LINGO2: variants seen among roughly 807,000 people sequenced by gnomAD.
LINGO2 encodes the protein leucine rich repeat and Ig domain containing 2.
LINGO2 carries 14 observed loss-of-function variants against 30.6 expected under a neutral mutation model. That is an observed-to-expected ratio of 0.46 (90% CI 0.30 to 0.72). The LOEUF is 0.72. Among genes scored for constraint, LINGO2 ranks in the 30% least tolerant of loss-of-function variants. The pLI is 0.07. For missense variants in LINGO2, 729 were observed against 751.7 expected, an observed-to-expected ratio of 0.97 and a Z score of 0.35; for synonymous variants, 317 against 288.5, an observed-to-expected ratio of 1.10 and a Z score of -1.00.
the LINGO2 span, chr9:27,937,787 G>A: frequency 6.6e-6 from 1 of 151,982 alleles, no homozygotes; most frequent in Non-Finnish European, 1.5e-5. Context: ...CAAGACAATA[G>A]GGCTTAGCTA....
At chr9:28,826,766 A>G in the LINGO2 span, among the ~76,000 whole-genome samples, 1 of 152,220 alleles carries the variant, frequency 6.6e-6, no homozygotes, top group Non-Finnish European at 1.5e-5. Flanking sequence ...TCATTAGGAT[A>G]CAATGGTTGA....
intron 4 of LINGO2, among the ~76,000 whole-genome samples, chr9:28,032,841 A>T (rs2383759): frequency 0.66 from 100,062 of 152,052 alleles, 34,542 homozygotes; most frequent in Non-Finnish European, 0.77. Context: ...CACATCAGGG[A>T]AACACTGTAC....
the LINGO2 span, among the ~76,000 whole-genome samples, chr9:28,754,986 A>G: frequency 1.3e-5 from 2 of 152,034 alleles, no homozygotes; most frequent in Non-Finnish European, 2.9e-5. Flanking sequence ...TTGCTTTGAT[A>G]GAAACAGATT....
At chr9:28,417,965 G>T (rs16912932) in intron 2 of LINGO2, among the ~76,000 whole-genome samples, 1 of 152,052 alleles carries the variant, frequency 6.6e-6, no homozygotes, top group Non-Finnish European at 1.5e-5. Flanking sequence ...TAACTCCTTG[G>T]GTGGTAAGAA....
chr9:28,299,104 T>C (rs1824038710), intron 3 of LINGO2, among the ~76,000 whole-genome samples: 1 of 152,158 alleles, frequency 6.6e-6, no homozygotes, highest in Non-Finnish European at 1.5e-5. Context: ...TGACAAGTTG[T>C]TTTTTATACG....
intron 4 of LINGO2, among the ~76,000 whole-genome samples, chr9:28,032,563 T>C (rs1251936521): frequency 6.6e-6 from 1 of 152,340 alleles, no homozygotes; most frequent in East Asian, 1.9e-4. Flanking sequence ...CATTCAGTAC[T>C]GAAAGCAGCT....
chr9:28,890,014 A>C, the LINGO2 span, among the ~76,000 whole-genome samples: 1 of 152,098 alleles, frequency 6.6e-6, no homozygotes, highest in African/African-American at 2.4e-5. Flanking sequence ...GTCTCTGTCC[A>C]TAAAGGTTCC....
At chr9:28,278,129 C>A (rs1823194671) in intron 4 of LINGO2, among the ~76,000 whole-genome samples, 1 of 152,076 alleles carries the variant, frequency 6.6e-6, no homozygotes. Context: ...AGAGCAAGAC[C>A]CTGACTCACT....
chr9:28,244,776 C>T (rs991736823), intron 4 of LINGO2, among the ~76,000 whole-genome samples: 1 of 150,386 alleles, frequency 6.6e-6, no homozygotes, highest in African/African-American at 2.5e-5. Context: ...CTTGCATAGA[C>T]CAATAACAAG....
intron 5 of LINGO2, among the ~76,000 whole-genome samples, chr9:27,964,011 G>T (rs1184709742): frequency 2.6e-5 from 4 of 152,062 alleles, no homozygotes; most frequent in Non-Finnish European, 5.9e-5. Context: ...CCCAGACCTG[G>T]CAGGAAACAT....
At chr9:28,321,489 G>A (rs1444607517) in intron 3 of LINGO2, among the ~76,000 whole-genome samples, 2 of 152,182 alleles carry the variant, frequency 1.3e-5, no homozygotes, top group African/African-American at 4.8e-5. Context: ...CCTACTATGT[G>A]CCAGTGAATT....
the LINGO2 span, among the ~76,000 whole-genome samples, chr9:29,130,690 T>C: frequency 6.6e-6 from 1 of 152,120 alleles, no homozygotes; most frequent in African/African-American, 2.4e-5. Flanking sequence ...TTCAAAATTT[T>C]GTAACTCAAA....
the LINGO2 span, among the ~76,000 whole-genome samples, chr9:28,774,380 C>T: frequency 1.6e-4 from 24 of 151,952 alleles, no homozygotes; most frequent in African/African-American, 5.5e-4. Context: ...TTTTTTTGGC[C>T]ATTGCCAAAA....
At chr9:28,319,499 T>C (rs536694140) in intron 3 of LINGO2, among the ~76,000 whole-genome samples, 18 of 148,030 alleles carry the variant, frequency 1.2e-4, no homozygotes, top group African/African-American at 3.9e-4. Context: ...GGGATTAGGG[T>C]GTGAACATCT....
chr9:28,476,817 T>C (rs1009097632), intron 1 of LINGO2, among the ~76,000 whole-genome samples: 8 of 152,230 alleles, frequency 5.3e-5, no homozygotes, highest in Admixed American at 2.0e-4. Flanking sequence ...TTTATGTATT[T>C]AATATAATGG....
intron 1 of LINGO2, among the ~76,000 whole-genome samples, chr9:28,568,321 C>T (rs567986145): frequency 1.3e-5 from 2 of 151,902 alleles, no homozygotes; most frequent in African/African-American, 2.4e-5. Context: ...CGGGGGTCTA[C>T]TTGTGGGTAG....
At chr9:27,990,462 A>AAT (rs11373693) in intron 5 of LINGO2, among the ~76,000 whole-genome samples, 1 of 117,968 alleles carries the variant, frequency 8.5e-6, no homozygotes, top group Admixed American at 8.9e-5. Flanking sequence ...TGGTCTCAAT[A>AAT]CCCCCCCCCC....
the LINGO2 span, among the ~76,000 whole-genome samples, chr9:29,038,673 GAAAAAA>G: frequency 7.9e-6 from 1 of 126,084 alleles, no homozygotes; most frequent in Non-Finnish European, 1.6e-5. Context: ...TCACTACTCA[GAAAAAA>G]AAAAAAAAAA....
chr9:28,613,494 C>CACACAT (rs1280426848), intron 1 of LINGO2, among the ~76,000 whole-genome samples: 1 of 151,800 alleles, frequency 6.6e-6, no homozygotes, highest in Non-Finnish European at 1.5e-5. Flanking sequence ...AACACACACA[C>CACACAT]ACACACATAT....
Sources: allele counts gnomAD v4.1 joint callset (sites outside exome capture counted in the v4.1 genomes callset), GRCh38; gene constraint gnomAD v4.1.1; transcripts MANE v1.5; gene names NCBI Gene and HGNC (gene_info 2026-07-23, HGNC 2026-07-21).